The following SLC35F2 variants were observed in gnomAD, a reference collection of about 807,000 sequenced individuals.
SLC35F2 encodes solute carrier family 35 member F2, also known as queuine/queuosine transporter SLC35F2.
SLC35F2 carries 25 observed loss-of-function variants against 38.1 expected under a neutral mutation model. That is an observed-to-expected ratio of 0.66 (90% CI 0.48 to 0.92). The LOEUF (loss-of-function observed/expected upper bound fraction) is 0.92, where lower values mean the gene tolerates loss of function less well. Among genes scored for constraint, SLC35F2 ranks in the 40% least tolerant of loss-of-function variants. SLC35F2 has a pLI of 0.00. For missense variants in SLC35F2, 409 were observed against 452.9 expected (o/e 0.90, Z 0.88); for synonymous variants, 173 against 181.7 (o/e 0.95, Z 0.38).
chr11:107,842,771 C>T (rs1026386989), intron 1 of SLC35F2, among the ~76,000 whole-genome samples: 1 of 152,136 alleles, frequency 6.6e-6, no homozygotes, highest in African/African-American at 2.4e-5. Context: ...CCCTATAAAC[C>T]AGCAATTCTG....
In SLC35F2 at chr11:107,792,161, CAAAAA is replaced by C. The variant is rs11371777; in HGVS notation, c.*449_*453del. On this transcript the variant is annotated 3_prime_UTR_variant, in exon 8 of 8. Transcript: ENST00000525815. ...GGCCTGTGGACAATAACTGCCTCAGCAAAAAAAAAAAAAAAAAAAAACCTTGAAGC... is the reference window on the plus strand; with the variant it reads ...GGCCTGTGGACAATAACTGCCTCAGCAAAAAAAAAAAAAAAACCTTGAAGC... The C allele has an allele frequency of 2.6e-5, 2 of 78,098 alleles. No individual in the cohort carries two copies. The highest frequency in any genetic ancestry group is 2.4e-5 in the Non-Finnish European group (1 of 40,900). The allele number at this position is 78,098 out of a possible 1,614,324, so 4.8% of individuals were successfully genotyped here. A position where few individuals can be genotyped will look rare whatever the true frequency, so the allele number is the denominator to read the frequency against.
chr11:107,804,970 T>C, intron 5 of SLC35F2, 200 bp from the exon 6 acceptor site: 2 of 883,342 alleles, frequency 2.3e-6, no homozygotes, highest in South Asian at 1.0e-4. Context: ...TTTGACTCCC[T>C]TACAGGTGCT....
At chr11:107,793,615 G>C (rs932224663) in intron 7 of SLC35F2, among the ~76,000 whole-genome samples, 5 of 152,230 alleles carry the variant, frequency 3.3e-5, no homozygotes, top group African/African-American at 1.2e-4. Context: ...ACATTATCTT[G>C]TCTCTGTGGG....
intron 3 of SLC35F2, chr11:107,810,232 T>C (rs1052546908): frequency 5.1e-6 from 5 of 985,298 alleles, no homozygotes; most frequent in East Asian, 1.1e-4. Context: ...TGCATGACTT[T>C]TGGCAACCAA....
At chr11:107,800,482 C>T (rs1057203485) in intron 7 of SLC35F2, among the ~76,000 whole-genome samples, 1 of 152,172 alleles carries the variant, frequency 6.6e-6, no homozygotes, top group African/African-American at 2.4e-5. Flanking sequence ...ATAACCTCTA[C>T]TGAAACTAAA....
intron 5 of SLC35F2, 191 bp from the exon 6 acceptor site, chr11:107,804,961 T>C (rs965797457): frequency 3.6e-6 from 3 of 827,226 alleles, no homozygotes; most frequent in African/African-American, 3.7e-5. Flanking sequence ...AAAGATATGT[T>C]TGACTCCCTT....
At chr11:107,804,471 A>C (rs1859364322) in intron 6 of SLC35F2, among the ~76,000 whole-genome samples, 1 of 152,216 alleles carries the variant, frequency 6.6e-6, no homozygotes, top group Admixed American at 6.5e-5. Context: ...GTCAATCTCC[A>C]GTCTTGTTCA....
chr11:107,830,307 T>G (rs964591083), intron 1 of SLC35F2, among the ~76,000 whole-genome samples: 1 of 151,958 alleles, frequency 6.6e-6, no homozygotes, highest in Non-Finnish European at 1.5e-5. Context: ...TACTGTTGGC[T>G]GGGCACAGTG....
chr11:107,821,668 C>G (rs1329334592), intron 1 of SLC35F2: 17 of 966,878 alleles, frequency 1.8e-5, no homozygotes, highest in Non-Finnish European at 1.8e-5. Context: ...TTAAGCAAAG[C>G]TGCCAGAAGA....
intron 2 of SLC35F2, among the ~76,000 whole-genome samples, chr11:107,813,381 G>T (rs1859513729): frequency 6.6e-6 from 1 of 152,088 alleles, no homozygotes; most frequent in Non-Finnish European, 1.5e-5. Flanking sequence ...GGAGGCAGAG[G>T]TTGCACTGAG....
intron 5 of SLC35F2, 70 bp from the exon 6 acceptor site, chr11:107,804,840 C>T (rs495836): frequency 0.46 from 609,294 of 1,311,362 alleles, 146,034 homozygotes; most frequent in Non-Finnish European, 0.5. Flanking sequence ...GCATTTTAGT[C>T]ACTATACTTC....
chr11:107,835,487 A>G (rs1463519186), intron 1 of SLC35F2, among the ~76,000 whole-genome samples: 1 of 151,044 alleles, frequency 6.6e-6, no homozygotes, highest in African/African-American at 2.4e-5. Context: ...CCCAAACTGG[A>G]GCGCAGTGGC....
At chr11:107,798,905 G>C (rs564696592) in intron 7 of SLC35F2, among the ~76,000 whole-genome samples, 1 of 152,014 alleles carries the variant, frequency 6.6e-6, no homozygotes, top group Non-Finnish European at 1.5e-5. Flanking sequence ...GTGAAACCCC[G>C]TCTCTACTAA....
chr11:107,809,329 C>CAAAAAAAAAAAAAAA (rs61511493), intron 3 of SLC35F2, among the ~76,000 whole-genome samples: 1 of 96,120 alleles, frequency 1.0e-5, no homozygotes. Context: ...ACTCAAAATA[C>CAAAAAAAAAAAAAAA]AAAAAAAAAA....
intron 3 of SLC35F2, chr11:107,809,798 A>G (rs1859454586): frequency 2.0e-6 from 2 of 985,262 alleles, no homozygotes; most frequent in South Asian, 9.4e-5. Flanking sequence ...GGTACAATAG[A>G]GTATAGAAGA....
chr11:107,843,864 AAAAAAT>A (rs1179597419), intron 1 of SLC35F2, among the ~76,000 whole-genome samples: 34 of 35,042 alleles, frequency 9.7e-4, no homozygotes, highest in South Asian at 3.5e-3. Context: ...AAAAAAAAAA[AAAAAAT>A]ATATATATAT....
intron 2 of SLC35F2, 93 bp downstream of exon 2, chr11:107,815,697 C>G (rs1365540645): frequency 7.2e-7 from 1 of 1,380,026 alleles, no homozygotes; most frequent in Middle Eastern, 1.9e-4. Context: ...AGTCTCCAGT[C>G]ACTACTTTCA....
At chr11:107,811,254 T>G in intron 3 of SLC35F2, 1 of 985,310 alleles carries the variant, frequency 1.0e-6, no homozygotes, top group Non-Finnish European at 1.2e-6. Context: ...CCCAAAAATG[T>G]CTACTGGGTT....
chr11:107,853,492 G>A (rs1006531756), intron 1 of SLC35F2, among the ~76,000 whole-genome samples: 2 of 151,954 alleles, frequency 1.3e-5, no homozygotes, highest in Non-Finnish European at 2.9e-5. Context: ...GCAGAGGCGG[G>A]AGGATCATGA....
Sources: allele counts gnomAD v4.1 joint callset (sites outside exome capture counted in the v4.1 genomes callset), GRCh38; gene constraint gnomAD v4.1.1; transcripts MANE v1.5; gene names NCBI Gene and HGNC (gene_info 2026-07-23, HGNC 2026-07-21).